RBFOX1: variants seen among roughly 807,000 people sequenced by gnomAD.
The protein encoded by RBFOX1 is RNA binding protein fox-1 homolog 1.
A neutral mutation model predicts 57.7 loss-of-function variants in RBFOX1; 8 were observed. The observed-to-expected ratio is 0.14, with a 90% CI of 0.08 to 0.25. The LOEUF is 0.25. Among genes scored for constraint, RBFOX1 ranks in the 10% least tolerant of loss-of-function variants. The pLI is 1.00. For missense variants in RBFOX1, 611 were observed against 548.5 expected (o/e 1.11, Z -1.14); for synonymous variants, 326 against 222.4 (o/e 1.47, Z -4.15).
intron 1 of RBFOX1, among the ~76,000 whole-genome samples, chr16:5,453,677 G>A (rs9923892): frequency 0.2 from 30,603 of 152,060 alleles, 3,598 homozygotes; most frequent in African/African-American, 0.33. Context: ...CCAAAGCACA[G>A]CACCTCATCA....
chr16:7,013,583 C>T (rs558241302), intron 3 of RBFOX1, among the ~76,000 whole-genome samples: 1 of 152,184 alleles, frequency 6.6e-6, no homozygotes, highest in Non-Finnish European at 1.5e-5. Context: ...CTGGTATAAC[C>T]TATCATTGCA....
At chr16:5,862,308 C>A (rs985746626) in intron 3 of RBFOX1, among the ~76,000 whole-genome samples, 1 of 152,164 alleles carries the variant, frequency 6.6e-6, no homozygotes, top group African/African-American at 2.4e-5. Context: ...AAAGCCTTCC[C>A]GGTCCGGCAC....
intron 3 of RBFOX1, among the ~76,000 whole-genome samples, chr16:5,736,991 C>T: frequency 6.7e-6 from 1 of 150,008 alleles, no homozygotes. Flanking sequence ...TTCTCTGATT[C>T]TGTTTCAGTC....
rs140227648 is a variant in RBFOX1 at position 6,147,941 on chromosome 16, G to A, written c.-127+127949G>A. 8.4e-3 allele frequency among the ~76,000 whole-genome samples: 1,283 copies of A among 152,236 alleles called. 6 individuals carry two copies. Among genetic ancestry groups the A allele is most frequent in the Admixed American group, 0.014 (218 of 15,290 alleles). Reference sequence around the variant, plus strand: ...CTTGCCTTCAGTCCCAGCTCTCAAGGGTCTCCTACAGCCTTCTCCTAAATT... The same window carrying A: ...CTTGCCTTCAGTCCCAGCTCTCAAGAGTCTCCTACAGCCTTCTCCTAAATT... On this transcript the variant is annotated intron_variant, in intron 1 of 15. Transcript: ENST00000550418.
intron 3 of RBFOX1, among the ~76,000 whole-genome samples, chr16:6,889,702 C>G (rs1225297630): frequency 6.6e-6 from 1 of 152,170 alleles, no homozygotes; most frequent in Non-Finnish European, 1.5e-5. Context: ...TTAATAAATT[C>G]TTGAAGAGCT....
At chr16:7,366,808 A>G (rs1360525620) in intron 4 of RBFOX1, among the ~76,000 whole-genome samples, 1 of 152,210 alleles carries the variant, frequency 6.6e-6, no homozygotes, top group East Asian at 1.9e-4. Context: ...GATTCCAGTG[A>G]AAGTACATTA....
At chr16:7,044,771 C>T (rs929279829) in intron 3 of RBFOX1, among the ~76,000 whole-genome samples, 4 of 152,110 alleles carry the variant, frequency 2.6e-5, no homozygotes, top group Non-Finnish European at 2.9e-5. Flanking sequence ...AGATATTTTT[C>T]AAGGCTAGCT....
intron 14 of RBFOX1, among the ~76,000 whole-genome samples, chr16:7,697,828 G>A (rs545167001): frequency 2.6e-5 from 4 of 152,226 alleles, no homozygotes; most frequent in East Asian, 3.9e-4. Flanking sequence ...ATTTTGAGTC[G>A]GATGACAAAG....
intron 4 of RBFOX1, among the ~76,000 whole-genome samples, chr16:7,411,605 A>G (rs2098425873): frequency 6.6e-6 from 1 of 152,188 alleles, no homozygotes; most frequent in Non-Finnish European, 1.5e-5. Flanking sequence ...CAAGGTGATC[A>G]AAGACGGGGA....
chr16:6,629,386 C>A (rs139059922), intron 2 of RBFOX1, among the ~76,000 whole-genome samples: 7 of 152,272 alleles, frequency 4.6e-5, no homozygotes, highest in African/African-American at 1.7e-4. Flanking sequence ...CGACTTTTGG[C>A]CCTGAGAGTA....
intron 2 of RBFOX1, among the ~76,000 whole-genome samples, chr16:6,590,999 C>T (rs752164229): frequency 6.6e-6 from 1 of 152,134 alleles, no homozygotes; most frequent in Non-Finnish European, 1.5e-5. Flanking sequence ...GGTACATAAC[C>T]TCTCTGAACT....
At chr16:6,823,570 C>T (rs542348790) in intron 3 of RBFOX1, among the ~76,000 whole-genome samples, 3 of 152,260 alleles carry the variant, frequency 2.0e-5, no homozygotes, top group Admixed American at 1.3e-4. Context: ...ACATGAAATT[C>T]TTATAAGGGA....
chr16:5,989,659 C>T (rs912837801), intron 4 of RBFOX1, among the ~76,000 whole-genome samples: 5 of 151,736 alleles, frequency 3.3e-5, no homozygotes, highest in South Asian at 2.1e-4. Context: ...CAATAAAGGG[C>T]GGTGGCTTCC....
chr16:6,277,511 C>G (rs1469287428), intron 1 of RBFOX1, among the ~76,000 whole-genome samples: 4 of 149,450 alleles, frequency 2.7e-5, no homozygotes, highest in East Asian at 3.9e-4. Context: ...GAGGCTCACA[C>G]CTTTTATCTC....
intron 1 of RBFOX1, among the ~76,000 whole-genome samples, chr16:6,263,653 C>G (rs926449796): frequency 6.6e-5 from 10 of 152,204 alleles, no homozygotes; most frequent in South Asian, 2.1e-4. Context: ...CTGCTAGTGT[C>G]TGCTCCTTTC....
intron 4 of RBFOX1, among the ~76,000 whole-genome samples, chr16:7,465,678 T>A (rs1258585158): frequency 6.6e-6 from 1 of 152,208 alleles, no homozygotes; most frequent in East Asian, 1.9e-4. Context: ...GAGTATACCC[T>A]GGGGATCCTT....
In RBFOX1 at chr16:7,271,789, G is replaced by C. The variant is rs559489309; in HGVS notation, c.27+219691G>C. On this transcript the variant is annotated intron_variant, in intron 4 of 15. Coordinates refer to ENST00000550418, the MANE Select transcript of RBFOX1 (RefSeq NM_018723.4). Reference sequence around the variant, plus strand: ...GTATCCATAGCTAAGGGTCTCTTAGGCTCTTATTGTAAATGTCTGGGTTTC... The same window carrying C: ...GTATCCATAGCTAAGGGTCTCTTAGCCTCTTATTGTAAATGTCTGGGTTTC... Among the ~76,000 whole-genome samples, 4 of 151,818 alleles carry C rather than the reference G, an allele frequency of 2.6e-5. No individual in the cohort carries two copies. The East Asian group carries it at 5.8e-4, about 22-fold the overall frequency.
chr16:7,519,537 A>G (rs1389117942), intron 5 of RBFOX1: 5 of 227,442 alleles, frequency 2.2e-5, no homozygotes, highest in Non-Finnish European at 3.6e-5. Context: ...TTAATCAAAT[A>G]TAACTCTAAA....
chr16:6,342,822 A>G lies in RBFOX1; in HGVS notation c.-64+25765A>G, dbSNP rs901073917. Among the ~76,000 whole-genome samples, 8 of 152,220 alleles carry G rather than the reference A, an allele frequency of 5.3e-5. No homozygotes were observed. In the South Asian group the frequency reaches 8.3e-4, roughly 16 times the overall value. On this transcript the variant is annotated intron_variant, in intron 2 of 15. Coordinates refer to ENST00000550418, the MANE Select transcript of RBFOX1 (RefSeq NM_018723.4). ...ACTCACAAGCTCGTCTATGCTAATC[A>G]CCTTGACATTTTGTATTCATTTGGT... is the stretch of plus-strand genomic sequence containing the variant.
Sources: allele counts gnomAD v4.1 joint callset (sites outside exome capture counted in the v4.1 genomes callset), GRCh38; gene constraint gnomAD v4.1.1; transcripts MANE v1.5; gene names NCBI Gene and HGNC (gene_info 2026-07-23, HGNC 2026-07-21).